Variants in ZNF385D observed in about 807,000 individuals in gnomAD.
ZNF385D encodes the protein zinc finger protein 385D.
Under a neutral mutation model 35.8 loss-of-function variants are expected in ZNF385D, and 15 were observed. The observed-to-expected ratio is 0.42, with a 90% CI of 0.28 to 0.64. ZNF385D has a LOEUF of 0.64. Among genes scored for constraint, ZNF385D ranks in the 30% least tolerant of loss-of-function variants. The probability of loss-of-function intolerance (pLI) is 0.23; values close to 1 mark genes in which losing one functional copy is unlikely to be tolerated. For synonymous variants in ZNF385D, 212 were observed against 186.8 expected (o/e 1.13, Z -1.10); for missense variants, 474 against 494.6 (o/e 0.96, Z 0.39).
intron 4 of ZNF385D, among the ~76,000 whole-genome samples, chr3:21,449,320 C>T (rs1192277642): frequency 1.3e-5 from 2 of 151,622 alleles, no homozygotes; most frequent in African/African-American, 4.8e-5. Context: ...TGACTGACCT[C>T]TCAAAGGATG....
chr3:22,192,939 T>G (rs148861201), intron 2 of ZNF385D, among the ~76,000 whole-genome samples: 7 of 152,140 alleles, frequency 4.6e-5, no homozygotes, highest in African/African-American at 4.8e-5. Flanking sequence ...TTTGAGTACC[T>G]TGACTAAGAA....
intron 3 of ZNF385D, chr3:21,511,718 C>T (rs1401936930): frequency 2.2e-6 from 1 of 456,560 alleles, no homozygotes. Flanking sequence ...TGTGTTTGTA[C>T]TACCTAATGG....
chr3:22,139,881 G>A (rs751974545), intron 3 of ZNF385D, among the ~76,000 whole-genome samples: 57 of 151,942 alleles, frequency 3.8e-4, no homozygotes, highest in Non-Finnish European at 6.5e-4. Flanking sequence ...ATAAAAGCGT[G>A]AAATAAAAGA....
intron 3 of ZNF385D, among the ~76,000 whole-genome samples, chr3:21,766,068 GA>G (rs1035450658): frequency 6.6e-6 from 1 of 151,906 alleles, no homozygotes; most frequent in Non-Finnish European, 1.5e-5. Flanking sequence ...TGGCCGAAAG[GA>G]AAAAAGGAAA....
intron 6 of ZNF385D, among the ~76,000 whole-genome samples, chr3:21,425,035 A>G (rs1488629352): frequency 6.6e-6 from 1 of 152,218 alleles, no homozygotes; most frequent in Non-Finnish European, 1.5e-5. Flanking sequence ...AACATACAGA[A>G]CAACACCATA....
At chr3:22,083,840 A>T (rs1186193489) in intron 3 of ZNF385D, among the ~76,000 whole-genome samples, 1 of 152,218 alleles carries the variant, frequency 6.6e-6, no homozygotes, top group Non-Finnish European at 1.5e-5. Context: ...GAGAAAGGTC[A>T]GGTTATCCAC....
chr3:22,124,968 G>T (rs1349755665), intron 3 of ZNF385D, among the ~76,000 whole-genome samples: 1 of 151,864 alleles, frequency 6.6e-6, no homozygotes, highest in East Asian at 1.9e-4. Context: ...GTGCTTGTGG[G>T]GTATTATTCA....
At chr3:22,065,919 A>C (rs956806551) in intron 3 of ZNF385D, among the ~76,000 whole-genome samples, 1 of 152,136 alleles carries the variant, frequency 6.6e-6, no homozygotes, top group African/African-American at 2.4e-5. Context: ...GCCCAACTAA[A>C]ATTGGCCAGG....
At chr3:21,531,369 T>C (rs1176602020) in intron 3 of ZNF385D, among the ~76,000 whole-genome samples, 1 of 152,174 alleles carries the variant, frequency 6.6e-6, no homozygotes, top group Non-Finnish European at 1.5e-5. Context: ...AAACTAAACA[T>C]ACTCTTACCG....
In ZNF385D at chr3:22,043,553, C is replaced by T. The variant is rs190467244; in HGVS notation, c.325+125264G>A. On this transcript the variant is annotated intron_variant, in intron 3 of 5. Transcript: ENST00000494108. Reference sequence around the variant, plus strand: ...GTAAATATTGAGTAACTATTATGTCCTATACATTGTTCTAAAGGCTGAGGA... The same window carrying T: ...GTAAATATTGAGTAACTATTATGTCTTATACATTGTTCTAAAGGCTGAGGA... Among the ~76,000 whole-genome samples the T allele has an allele frequency of 3.2e-3, 490 of 151,780 alleles. 1 individual carries two copies. The highest frequency in any genetic ancestry group is 5.1e-3 in the Non-Finnish European group (343 of 67,908).
At chr3:22,180,736 C>T (rs577015765) in intron 2 of ZNF385D, among the ~76,000 whole-genome samples, 15 of 152,186 alleles carry the variant, frequency 9.9e-5, no homozygotes, top group Admixed American at 1.3e-4. Context: ...AATTCAACAA[C>T]GCTTCATGCT....
At chr3:22,320,749 A>G (rs150061157) in intron 2 of ZNF385D, among the ~76,000 whole-genome samples, 23 of 151,818 alleles carry the variant, frequency 1.5e-4, no homozygotes, top group Non-Finnish European at 2.5e-4. Flanking sequence ...CTTAATTTTA[A>G]TGTATAATTT....
At chr3:21,464,763 T>C (rs900794791) in intron 4 of ZNF385D, among the ~76,000 whole-genome samples, 2 of 65,298 alleles carry the variant, frequency 3.1e-5, no homozygotes, top group Non-Finnish European at 5.5e-5. Flanking sequence ...CACACACTTA[T>C]GCAACTCATG....
rs531903647 is a variant in ZNF385D, at chr3:21,604,164, G to A, written c.166-39480C>T. Among the ~76,000 whole-genome samples the A allele has an allele frequency of 4.3e-4, 66 of 152,246 alleles. 1 individual carries two copies. In the South Asian group the frequency reaches 0.012, roughly 29 times the overall value. On this transcript the variant is annotated intron_variant, in intron 2 of 7. Transcript: ENST00000281523. ...AGGGTGTTTATTACTGTAGGCAAAC[G>A]TAGCCTAATAAAGATAATACCAATA...
At chr3:21,845,813 C>T (rs969586962) in intron 3 of ZNF385D, among the ~76,000 whole-genome samples, 1 of 151,952 alleles carries the variant, frequency 6.6e-6, no homozygotes, top group Non-Finnish European at 1.5e-5. Context: ...AAAGGAGAGG[C>T]TTGACTGCAA....
At chr3:22,057,203 G>C (rs1576236331) in intron 3 of ZNF385D, among the ~76,000 whole-genome samples, 1 of 152,068 alleles carries the variant, frequency 6.6e-6, no homozygotes, top group African/African-American at 2.4e-5. Context: ...GTACAACCTT[G>C]GGCAAGTTAA....
At chr3:21,571,621 C>T (rs1425730439) in intron 2 of ZNF385D, among the ~76,000 whole-genome samples, 1 of 151,702 alleles carries the variant, frequency 6.6e-6, no homozygotes, top group African/African-American at 2.4e-5. Flanking sequence ...GCATAGTCCC[C>T]AACAAGACTC....
At position 21,424,059 on chromosome 3, in the gene ZNF385D, A is replaced by G. The variant is rs775428035; in HGVS notation, c.858T>C (p.Ile286=). 16 of 1,581,336 alleles carry G rather than the reference A, an allele frequency of 1.0e-5. No individual in the cohort carries two copies. In the South Asian group the frequency reaches 1.9e-4, roughly 19 times the overall value. Residue 286 remains isoleucine, a synonymous_variant, in exon 7 of 8, where the codon ATT becomes ATC. Coordinates refer to ENST00000281523, the MANE Select transcript of ZNF385D (RefSeq NM_024697.3). ...CTCTGTCTTTGTGCCTTCTACTGCT[A>G]ATGTGCTATTAAAAGTAATTTAAAA... The part of the protein sequence containing the change: ...VNSETQLKQH[I]SSRRHKDRAA...
chr3:22,254,628 G>A (rs1700223533), intron 2 of ZNF385D, among the ~76,000 whole-genome samples: 1 of 151,888 alleles, frequency 6.6e-6, no homozygotes, highest in South Asian at 2.1e-4. Flanking sequence ...ACTGAACCCT[G>A]TATATTTTGT....
Sources: allele counts gnomAD v4.1 joint callset (sites outside exome capture counted in the v4.1 genomes callset), GRCh38; gene constraint gnomAD v4.1.1; transcripts MANE v1.5; gene names NCBI Gene and HGNC (gene_info 2026-07-23, HGNC 2026-07-21).